Variants in CELA3A observed in about 807,000 individuals in gnomAD.
CELA3A encodes chymotrypsin like elastase 3A, also known as chymotrypsin-like elastase family member 3A.
CELA3A carries 35 observed loss-of-function variants against 38.6 expected under a neutral mutation model. That is an observed-to-expected ratio of 0.91 (90% CI 0.69 to 1.20). The LOEUF is 1.20. CELA3A is among the 50% of genes most tolerant of loss of function. CELA3A has a pLI of 0.00. For synonymous variants in CELA3A, 143 were observed against 136.7 expected (o/e 1.05, Z -0.32); for missense variants, 343 against 354.2 (o/e 0.97, Z 0.25).
At chr1:22,009,516 C>CACTCCAGCCTGGACAGCAGAGCGAG (rs1262198216) in intron 6 of CELA3A, among the ~76,000 whole-genome samples, 189 bp from the exon 7 acceptor site, 1 of 151,234 alleles carries the variant, frequency 6.6e-6, no homozygotes, top group African/African-American at 2.4e-5. Context: ...TGCGCCACTG[C>CACTCCAGCCTGGACAGCAGAGCGAG]ACTCCAGCCT....
chr1:22,007,159 A>G (rs1436271389), intron 5 of CELA3A, 145 bp downstream of exon 5: 2 of 1,411,876 alleles, frequency 1.4e-6, no homozygotes, highest in Non-Finnish European at 1.9e-6. Context: ...ATCAACCTCC[A>G]AAACACGAAT....
chr1:22,005,185 T>C (rs1393107052), intron 2 of CELA3A, among the ~76,000 whole-genome samples: 2 of 151,102 alleles, frequency 1.3e-5, no homozygotes, highest in African/African-American at 4.9e-5. Context: ...AGGTAGAGAA[T>C]GTTGGGGTCC....
In CELA3A at chr1:22,005,513, G is replaced by A. The variant is rs750657963; in HGVS notation, c.196G>A (p.Asp66Asn). The A allele has an allele frequency of 1.1e-5, 17 of 1,612,958 alleles. No individual in the cohort carries two copies. Among genetic ancestry groups the A allele is most frequent in the Admixed American group, 3.3e-5 (2 of 59,960 alleles). The change falls in exon 3 of 8, where the codon GAT (aspartate) becomes AAT (asparagine). Residue 66 changes from aspartate to asparagine, a missense_variant. Transcript: ENST00000290122. ...HTCGGSLIAP[D>N]WVVTAGHCIS... ...GTGTGGCGGTAGCCTCATCGCCCCC[G>A]ATTGGGTTGTGACTGCCGGCCACTG...
chr1:22,006,363 AAATCTT>A (rs1644949972), intron 4 of CELA3A, among the ~76,000 whole-genome samples: 1 of 151,104 alleles, frequency 6.6e-6, no homozygotes, highest in South Asian at 2.1e-4. Flanking sequence ...GTGTATGAAA[AAATCTT>A]AACAAATATT....
At position 22,007,377 on chromosome 1, in the gene CELA3A, T is replaced by C. The variant is rs779979670; in HGVS notation, c.504T>C (p.Asn168=). The change falls in exon 6 of 8, where the codon AAT becomes AAC. Residue 168 remains asparagine, a synonymous_variant. Transcript: ENST00000290122. ...CGGTGCTTTTTATCCTTGCAGCCAA[T>C]GGGCCACTCCCAGACAAGCTGCAGC... ...YITGWGRLYT[N]GPLPDKLQQA... is the part of the protein sequence containing the mutation. 81 of 1,609,554 alleles carry C rather than the reference T, an allele frequency of 5.0e-5. No individual in the cohort carries two copies. Among genetic ancestry groups the C allele is most frequent in the African/African-American group, 1.1e-4 (8 of 74,068 alleles).
At chr1:22,005,841 T>G in intron 4 of CELA3A, 45 bp downstream of exon 4, 1 of 1,608,292 alleles carries the variant, frequency 6.2e-7, no homozygotes, top group Non-Finnish European at 8.5e-7. Context: ...CCTCTACTTG[T>G]CCCTCCATGA....
At chr1:22,005,973 C>T (rs1415483968) in intron 4 of CELA3A, 177 bp downstream of exon 4, 1 of 1,051,128 alleles carries the variant, frequency 9.5e-7, no homozygotes. Context: ...GGATTGAAGC[C>T]AGCAGAGCCT....
At chr1:22,006,276 C>T (rs1277652960) in intron 4 of CELA3A, among the ~76,000 whole-genome samples, 4 of 151,588 alleles carry the variant, frequency 2.6e-5, no homozygotes, top group Admixed American at 2.6e-4. Context: ...TTAGTTTTGC[C>T]ATTTGTCAAA....
chr1:22,012,085 T>TTA (rs1490296560), intron 7 of CELA3A, among the ~76,000 whole-genome samples: 2 of 126,596 alleles, frequency 1.6e-5, no homozygotes, highest in Non-Finnish European at 3.2e-5. Flanking sequence ...TAGATTTTGT[T>TTA]TATATATATA....
rs531887209 is a variant in CELA3A at position 22,009,944 on chromosome 1, G to A, written c.795+87G>A. ...TGAGAAACATCGGATCCTGGGGAGG[G>A]CCTGAAAGGATCCTAGAAGCTCAGT... On this transcript the variant is annotated intron_variant, in intron 7 of 7. Coordinates refer to ENST00000290122, the MANE Select transcript of CELA3A (RefSeq NM_005747.5). 20 of 1,521,786 alleles carry A rather than the reference G, an allele frequency of 1.3e-5. No homozygotes were observed. In the South Asian group the frequency reaches 2.3e-4, roughly 18 times the overall value. The allele number at this position is 1,521,786 out of a possible 1,614,324, so 94.3% of individuals were successfully genotyped here.
At chr1:22,009,141 G>T (rs985478818) in intron 6 of CELA3A, among the ~76,000 whole-genome samples, 1 of 151,206 alleles carries the variant, frequency 6.6e-6, no homozygotes, top group African/African-American at 2.4e-5. Context: ...TGAGGCGGGC[G>T]GATCACGTGG....
intron 6 of CELA3A, among the ~76,000 whole-genome samples, chr1:22,008,982 C>T (rs1266676816): frequency 2.0e-5 from 3 of 151,754 alleles, no homozygotes; most frequent in Non-Finnish European, 4.4e-5. Flanking sequence ...TGGTGGCTCA[C>T]ACCTATAATC....
intron 6 of CELA3A, 23 bp from the exon 7 acceptor site, chr1:22,009,682 C>G (rs1257131486): frequency 6.2e-7 from 1 of 1,605,438 alleles, no homozygotes; most frequent in South Asian, 1.1e-5. Flanking sequence ...GCTCAGCCAC[C>G]CACTCCTCTC....
intron 6 of CELA3A, 35 bp from the exon 7 acceptor site, chr1:22,009,670 T>A (rs1282354976): frequency 6.2e-7 from 1 of 1,601,274 alleles, no homozygotes; most frequent in Non-Finnish European, 8.5e-7. Flanking sequence ...ACCTCAGACA[T>A]GGCTCAGCCA....
At chr1:22,003,543 C>G (rs1206764409) in intron 2 of CELA3A, among the ~76,000 whole-genome samples, 1 of 150,398 alleles carries the variant, frequency 6.6e-6, no homozygotes, top group Non-Finnish European at 1.5e-5. Flanking sequence ...AGGCCAGGTG[C>G]GGTGGCTCAC....
chr1:22,005,125 G>A (rs550919622), intron 2 of CELA3A, among the ~76,000 whole-genome samples: 202 of 150,994 alleles, frequency 1.3e-3, no homozygotes, highest in African/African-American at 4.7e-3. Context: ...CTCACAGGGC[G>A]AGGGGTGCGT....
chr1:22,007,148 C>T (rs1644955665), intron 5 of CELA3A, 134 bp downstream of exon 5: 2 of 1,430,390 alleles, frequency 1.4e-6, no homozygotes, highest in Non-Finnish European at 1.9e-6. Context: ...AGCCTTCTTC[C>T]ATCAACCTCC....
chr1:22,008,632 G>A (rs557216984), intron 6 of CELA3A, among the ~76,000 whole-genome samples: 5 of 150,522 alleles, frequency 3.3e-5, no homozygotes, highest in East Asian at 4.0e-4. Flanking sequence ...GGTGGTGGGC[G>A]CCTGTAGTCC....
intron 5 of CELA3A, 35 bp downstream of exon 5, chr1:22,007,049 A>G (rs778435036): frequency 1.2e-6 from 2 of 1,606,344 alleles, no homozygotes; most frequent in Admixed American, 1.7e-5. Flanking sequence ...CCACAGAGAC[A>G]GTGGCAGAAA....
Sources: allele counts gnomAD v4.1 joint callset (sites outside exome capture counted in the v4.1 genomes callset), GRCh38; gene constraint gnomAD v4.1.1; transcripts MANE v1.5; gene names NCBI Gene and HGNC (gene_info 2026-07-23, HGNC 2026-07-21).